Variants in ANTXR2 observed in about 807,000 individuals in gnomAD.
The protein encoded by ANTXR2 is ANTXR cell adhesion molecule 2, also known as anthrax toxin receptor 2.
ANTXR2 carries 44 observed loss-of-function variants against 73.7 expected under a neutral mutation model. The observed-to-expected ratio is 0.60, with a 90% CI of 0.47 to 0.77. The LOEUF (loss-of-function observed/expected upper bound fraction) is 0.77, where lower values mean the gene tolerates loss of function less well. ANTXR2 is among the 30% of genes least tolerant of loss of function. ANTXR2 has a pLI of 0.00. For synonymous variants in ANTXR2, 217 were observed against 205.9 expected (o/e 1.05, Z -0.46); for missense variants, 604 against 592.5 (o/e 1.02, Z -0.20).
intron 16 of ANTXR2, among the ~76,000 whole-genome samples, chr4:79,962,855 T>C (rs1729194941): frequency 6.6e-6 from 1 of 152,216 alleles, no homozygotes; most frequent in South Asian, 2.1e-4. Flanking sequence ...GTAATAATAT[T>C]GAGTAGCCCA....
At chr4:79,973,320 T>A (rs1729503263) in intron 16 of ANTXR2, among the ~76,000 whole-genome samples, 2 of 152,174 alleles carry the variant, frequency 1.3e-5, no homozygotes, top group Admixed American at 1.3e-4. Context: ...TGGAAAAATG[T>A]AGGTTCAGGT....
intron 16 of ANTXR2, among the ~76,000 whole-genome samples, chr4:79,912,902 CA>C (rs1198487523): frequency 6.6e-6 from 1 of 152,014 alleles, no homozygotes; most frequent in East Asian, 1.9e-4. Context: ...TGTAATTATG[CA>C]AAGACTTTAA....
chr4:79,907,257 G>A lies in ANTXR2; in HGVS notation c.*172C>T. 1.4e-6 allele frequency: 1 copy of A among 701,378 alleles called. No individual in the cohort carries two copies. The highest frequency in any genetic ancestry group is 2.4e-6 in the Non-Finnish European group (1 of 410,370). 43.4% of individuals were successfully genotyped at this position (701,378 alleles called of 1,614,324 possible). On this transcript the variant is annotated 3_prime_UTR_variant, in exon 17 of 17. Coordinates refer to ENST00000403729, the MANE Select transcript of ANTXR2 (RefSeq NM_058172.6). ...ATGTAGATGGCAGAACAAGTGTTTA[G>A]AAATGTTTGGTGCAAGCAAAGCAGA...
chr4:79,995,340 T>C (rs1426014238), intron 12 of ANTXR2, among the ~76,000 whole-genome samples: 1 of 125,190 alleles, frequency 8.0e-6, no homozygotes, highest in East Asian at 2.1e-4. Context: ...CAAAAAATTA[T>C]AGTTGATTTC....
chr4:79,992,493 A>C (rs1448676882), intron 12 of ANTXR2, among the ~76,000 whole-genome samples: 1 of 151,942 alleles, frequency 6.6e-6, no homozygotes. Flanking sequence ...TATTTAATTC[A>C]ATTTTATTTT....
intron 2 of ANTXR2, 121 bp from the exon 3 acceptor site, chr4:80,069,628 A>G: frequency 2.8e-6 from 2 of 707,362 alleles, no homozygotes; most frequent in Admixed American, 6.0e-5. Flanking sequence ...GGCTTCTTTT[A>G]AATGACATTC....
At chr4:79,944,691 G>C (rs1728450660) in intron 16 of ANTXR2, among the ~76,000 whole-genome samples, 1 of 152,054 alleles carries the variant, frequency 6.6e-6, no homozygotes, top group Non-Finnish European at 1.5e-5. Context: ...TTGTGAGTTT[G>C]GTACAACATG....
Position 80,055,169 on chromosome 4 carries a change from A to C in ANTXR2, c.536T>G (p.Leu179Arg). ...ACTTACCTGTGCTTGTTCAAAATCAAGGACACCAACACAATAAACACTAGC... is the reference window on the plus strand; with the variant it reads ...ACTTACCTGTGCTTGTTCAAAATCACGGACACCAACACAATAAACACTAGC... ...LGASVYCVGV[L>R]DFEQAQLERI... The change falls in exon 6 of 17, where the codon CTT (leucine) becomes CGT (arginine). Residue 179 changes from leucine to arginine, a missense_variant. Leu to Arg is a moderately radical substitution (Grantham distance 102). Transcript: ENST00000403729. 2 of 1,564,726 alleles carry C rather than the reference A, an allele frequency of 1.3e-6. No individual in the cohort carries two copies. Among genetic ancestry groups the C allele is most frequent in the Non-Finnish European group, 1.7e-6 (2 of 1,153,276 alleles).
At chr4:80,053,863 T>A (rs989051611) in intron 7 of ANTXR2, among the ~76,000 whole-genome samples, 1 of 151,744 alleles carries the variant, frequency 6.6e-6, no homozygotes, top group Non-Finnish European at 1.5e-5. Flanking sequence ...CTAGTTCAAG[T>A]TGCCTGACTG....
chr4:79,992,499 A>T (rs1475511172), intron 12 of ANTXR2, among the ~76,000 whole-genome samples: 1 of 151,860 alleles, frequency 6.6e-6, no homozygotes, highest in African/African-American at 2.4e-5. Flanking sequence ...ATTCAATTTT[A>T]TTTTTTTAAT....
intron 16 of ANTXR2, among the ~76,000 whole-genome samples, chr4:79,923,706 G>A (rs904336448): frequency 6.6e-6 from 1 of 152,124 alleles, no homozygotes; most frequent in Non-Finnish European, 1.5e-5. Context: ...TAATGAAGTA[G>A]TGAAAGTGTT....
chr4:80,011,365 CTG>C (rs1355048170), intron 11 of ANTXR2, among the ~76,000 whole-genome samples: 3 of 151,928 alleles, frequency 2.0e-5, no homozygotes, highest in Non-Finnish European at 4.4e-5. Context: ...ATCTATCTAT[CTG>C]ATGACTATTT....
chr4:79,993,745 C>CAA (rs1730585293), intron 12 of ANTXR2, among the ~76,000 whole-genome samples: 1 of 105,330 alleles, frequency 9.5e-6, no homozygotes, highest in Non-Finnish European at 2.0e-5. Context: ...GGCAATACAC[C>CAA]ACACACACAC....
chr4:79,987,080 A>G (rs1423006598), intron 12 of ANTXR2, among the ~76,000 whole-genome samples: 2 of 152,202 alleles, frequency 1.3e-5, no homozygotes, highest in East Asian at 1.9e-4. Context: ...TGGCAACTCT[A>G]AAAGCCAGAG....
intron 2 of ANTXR2, among the ~76,000 whole-genome samples, chr4:80,070,995 T>C (rs956271772): frequency 6.6e-6 from 1 of 152,184 alleles, no homozygotes; most frequent in African/African-American, 2.4e-5. Context: ...ATACCAGTAA[T>C]GCTTTTTATA....
chr4:79,995,513 A>G (rs946839196), intron 12 of ANTXR2, among the ~76,000 whole-genome samples: 1 of 152,024 alleles, frequency 6.6e-6, no homozygotes, highest in African/African-American at 2.4e-5. Context: ...AGATAGAAGT[A>G]TACTAAGTTT....
At chr4:79,950,313 C>G (rs1406020488) in intron 16 of ANTXR2, among the ~76,000 whole-genome samples, 1 of 152,050 alleles carries the variant, frequency 6.6e-6, no homozygotes, top group African/African-American at 2.4e-5. Context: ...CCTTAAGACC[C>G]CATAGACCCT....
chr4:79,982,739 T>C (rs541225446), intron 14 of ANTXR2, among the ~76,000 whole-genome samples: 4 of 152,296 alleles, frequency 2.6e-5, no homozygotes, highest in African/African-American at 7.2e-5. Flanking sequence ...GGCAATGAGG[T>C]ATCTGCCTCA....
At chr4:80,045,994 C>G (rs1046934330) in intron 7 of ANTXR2, among the ~76,000 whole-genome samples, 1 of 151,772 alleles carries the variant, frequency 6.6e-6, no homozygotes, top group African/African-American at 2.4e-5. Context: ...ACAGCACACA[C>G]CACTCTGACT....
Sources: gnomAD v4.1 joint callset for allele counts (sites outside exome capture counted in the v4.1 genomes callset) on GRCh38, gnomAD v4.1.1 for gene constraint, MANE v1.5 for transcripts, NCBI Gene and HGNC (gene_info 2026-07-23, HGNC 2026-07-21) for gene names.